Variants in CFAP299 observed in about 807,000 individuals in gnomAD.
The protein encoded by CFAP299 is cilia and flagella associated protein 299.
In CFAP299, 21 loss-of-function variants were observed where a neutral mutation model predicts 27.0. That is an observed-to-expected ratio of 0.78 (90% CI 0.55 to 1.12). CFAP299 has a LOEUF of 1.12. Ranked by LOEUF, CFAP299 falls within the 50% of genes most tolerant of loss-of-function variation. The pLI, the probability that CFAP299 is intolerant of heterozygous loss-of-function variation, is 0.00. For synonymous variants in CFAP299, 104 were observed against 98.1 expected (o/e 1.06, Z -0.36); for missense variants, 310 against 276.6 (o/e 1.12, Z -0.86).
chr4:80,653,446 C>A (rs1449105846), intron 3 of CFAP299, among the ~76,000 whole-genome samples: 1 of 151,976 alleles, frequency 6.6e-6, no homozygotes, highest in African/African-American at 2.4e-5. Flanking sequence ...TCTATAATGT[C>A]ATCTACTCAA....
intron 3 of CFAP299, among the ~76,000 whole-genome samples, chr4:80,855,715 G>A (rs11735380): frequency 0.12 from 18,597 of 152,168 alleles, 1,294 homozygotes; most frequent in Middle Eastern, 0.24. Context: ...TTTCATCTAT[G>A]TCCCTACAAA....
chr4:80,961,331 C>T (rs72866918), intron 5 of CFAP299, among the ~76,000 whole-genome samples: 2,913 of 151,756 alleles, frequency 0.019, 103 homozygotes, highest in African/African-American at 0.067. Flanking sequence ...AAAATTATTA[C>T]ATTAGTCTTG....
intron 3 of CFAP299, among the ~76,000 whole-genome samples, chr4:80,738,662 C>CTTTT (rs35802332): frequency 2.0e-4 from 28 of 141,740 alleles, no homozygotes; most frequent in African/African-American, 7.0e-4. Context: ...ATCATTGGGT[C>CTTTT]TTTTTTTTTT....
chr4:80,919,562 C>T lies in CFAP299; in HGVS notation c.477-25248C>T, dbSNP rs147225389. 1.8e-4 allele frequency among the ~76,000 whole-genome samples: 28 copies of T among 152,172 alleles called. No individual in the cohort carries two copies. In the East Asian group the frequency reaches 5.2e-3, roughly 28 times the overall value. ...TTACTTAGACAGTTATTTTATTTTCCAAACTGCATAAGCAACTGGTTTTCT... is the reference window on the plus strand; with the variant it reads ...TTACTTAGACAGTTATTTTATTTTCTAAACTGCATAAGCAACTGGTTTTCT... On this transcript the variant is annotated intron_variant, in intron 4 of 5. Transcript: ENST00000358105.
chr4:80,621,693 A>G (rs1434586092), intron 3 of CFAP299, among the ~76,000 whole-genome samples: 2 of 152,146 alleles, frequency 1.3e-5, no homozygotes, highest in South Asian at 4.1e-4. Flanking sequence ...ATTTGTTTAT[A>G]AAAATAATTA....
chr4:80,632,634 A>C (rs529657804), intron 3 of CFAP299, among the ~76,000 whole-genome samples: 1 of 152,290 alleles, frequency 6.6e-6, no homozygotes, highest in South Asian at 2.1e-4. Flanking sequence ...ATATATATAC[A>C]TATGAGAAAA....
intron 2 of CFAP299, among the ~76,000 whole-genome samples, chr4:80,369,732 T>C (rs1220337740): frequency 6.6e-6 from 1 of 152,202 alleles, no homozygotes; most frequent in Non-Finnish European, 1.5e-5. Context: ...TAGCTTGTAG[T>C]TCAGTGAGAC....
chr4:80,822,325 T>A (rs1381279861), intron 3 of CFAP299, among the ~76,000 whole-genome samples: 1 of 152,200 alleles, frequency 6.6e-6, no homozygotes, highest in African/African-American at 2.4e-5. Flanking sequence ...AAGCCTTTTT[T>A]TAAATTCCAT....
chr4:80,698,050 G>T (rs1369060777), intron 3 of CFAP299, among the ~76,000 whole-genome samples: 1 of 152,162 alleles, frequency 6.6e-6, no homozygotes, highest in Admixed American at 6.6e-5. Flanking sequence ...AAAATTGTCA[G>T]TGTTATATCT....
chr4:80,815,996 T>C (rs1729402475), intron 3 of CFAP299, among the ~76,000 whole-genome samples: 1 of 151,988 alleles, frequency 6.6e-6, no homozygotes, highest in Admixed American at 6.6e-5. Context: ...CAAAGATTTA[T>C]GATTCCATTG....
chr4:80,529,201 A>G (rs192349101), intron 2 of CFAP299, among the ~76,000 whole-genome samples: 2 of 152,122 alleles, frequency 1.3e-5, no homozygotes, highest in African/African-American at 4.8e-5. Context: ...CTCTGCCAGC[A>G]TCATGTTCTC....
At chr4:80,929,296 C>T (rs912500553) in intron 4 of CFAP299, among the ~76,000 whole-genome samples, 7 of 151,886 alleles carry the variant, frequency 4.6e-5, no homozygotes, top group African/African-American at 1.5e-4. Flanking sequence ...ACTACCCATC[C>T]AGTCTCTATG....
chr4:80,594,097 C>G (rs1736925350), intron 3 of CFAP299, among the ~76,000 whole-genome samples: 1 of 152,076 alleles, frequency 6.6e-6, no homozygotes, highest in Non-Finnish European at 1.5e-5. Flanking sequence ...TTTACACATG[C>G]TAGGTATATT....
chr4:80,386,578 A>T lies in CFAP299; in HGVS notation c.242+23694A>T. 2.5e-6 allele frequency: 4 copies of T among 1,597,872 alleles called. No homozygotes were observed. In the South Asian group the frequency reaches 4.4e-5, roughly 18 times the overall value. On this transcript the variant is annotated intron_variant, in intron 2 of 5. Coordinates refer to ENST00000358105, the MANE Select transcript of CFAP299 (RefSeq NM_152770.3). ...TCTGGGGGCCGAGACGACAGCGGTG[A>T]TCTTTGAGGTATTTGTGGCGGAAAA...
At chr4:80,796,169 G>A (rs1430809443) in intron 3 of CFAP299, among the ~76,000 whole-genome samples, 3 of 152,138 alleles carry the variant, frequency 2.0e-5, no homozygotes, top group South Asian at 2.1e-4. Context: ...TAGGCATTGT[G>A]CTTCTTTCTT....
intron 3 of CFAP299, among the ~76,000 whole-genome samples, chr4:80,724,443 A>T (rs1309322121): frequency 2.0e-5 from 3 of 152,166 alleles, no homozygotes; most frequent in Admixed American, 1.3e-4. Flanking sequence ...TTACTCATTT[A>T]AAAAATGAGT....
At chr4:80,548,359 C>CTTTGGTGCCACAGGGTCACACCA (rs1413583525) in intron 2 of CFAP299, among the ~76,000 whole-genome samples, 1 of 151,960 alleles carries the variant, frequency 6.6e-6, no homozygotes, top group Non-Finnish European at 1.5e-5. Flanking sequence ...AAGATGGAAA[C>CTTTGGTGCCACAGGGTCACACCA]AATAGGTACT....
intron 2 of CFAP299, among the ~76,000 whole-genome samples, chr4:80,534,213 C>T (rs35151197): frequency 6.7e-6 from 1 of 149,364 alleles, no homozygotes; most frequent in African/African-American, 2.5e-5. Context: ...AAATCAATTT[C>T]TTATTTTTAT....
At chr4:80,872,092 T>C (rs1004410755) in intron 4 of CFAP299, 42 of 152,234 alleles carry the variant, frequency 2.8e-4, no homozygotes, top group African/African-American at 9.6e-4. Flanking sequence ...TCCAGTAAAA[T>C]CGTGCTGTTT....
Sources: allele counts gnomAD v4.1 joint callset (sites outside exome capture counted in the v4.1 genomes callset), GRCh38; gene constraint gnomAD v4.1.1; transcripts MANE v1.5; gene names NCBI Gene and HGNC (gene_info 2026-07-23, HGNC 2026-07-21).